Variants in ABCB11 observed in about 807,000 individuals in gnomAD.
ABCB11 encodes the protein ATP binding cassette subfamily B member 11.
Under a neutral mutation model 148.0 loss-of-function variants are expected in ABCB11, and 95 were observed. The ratio of observed to expected loss-of-function variants is 0.64; its 90% CI spans 0.54 to 0.76. The LOEUF is 0.76. ABCB11 is among the 30% of genes least tolerant of loss of function. The probability of loss-of-function intolerance (pLI) is 0.00; values close to 1 mark genes in which losing one functional copy is unlikely to be tolerated. For missense variants in ABCB11, 1,523 were observed against 1,617.8 expected, an observed-to-expected ratio of 0.94 and a Z score of 1.01; for synonymous variants, 591 against 555.4, an observed-to-expected ratio of 1.06 and a Z score of -0.90.
chr2:169,002,614 A>G (rs989386938), intron 5 of ABCB11, among the ~76,000 whole-genome samples: 6 of 152,210 alleles, frequency 3.9e-5, no homozygotes, highest in Non-Finnish European at 8.8e-5. Flanking sequence ...TTTTAAAAAA[A>G]TCCTGTCCTT....
At chr2:168,964,412 T>C in intron 17 of ABCB11, 104 bp from the exon 18 acceptor site, 3 of 941,942 alleles carry the variant, frequency 3.2e-6, no homozygotes, top group Non-Finnish European at 3.2e-6. Context: ...AATAGAAATG[T>C]TTGGTAGGTC....
intron 5 of ABCB11, among the ~76,000 whole-genome samples, chr2:169,004,393 T>C (rs1474667187): frequency 3.3e-5 from 5 of 152,200 alleles, no homozygotes; most frequent in Non-Finnish European, 5.9e-5. Flanking sequence ...TTGTCTTTGA[T>C]GGATTAATTT....
intron 3 of ABCB11, among the ~76,000 whole-genome samples, chr2:169,015,614 T>C (rs10208608): frequency 0.1 from 15,238 of 152,086 alleles, 1,327 homozygotes; most frequent in African/African-American, 0.24. Flanking sequence ...GACCTTCCTT[T>C]GAAATCACCT....
chr2:169,014,978 T>G (rs1177306405), intron 3 of ABCB11, among the ~76,000 whole-genome samples: 2 of 152,162 alleles, frequency 1.3e-5, no homozygotes, highest in Admixed American at 6.5e-5. Flanking sequence ...GGAACTACTG[T>G]CTGACATGTT....
chr2:168,974,889 A>G (rs1377632421), intron 12 of ABCB11, among the ~76,000 whole-genome samples: 1 of 150,570 alleles, frequency 6.6e-6, no homozygotes, highest in Non-Finnish European at 1.5e-5. Flanking sequence ...TGTAATAGAT[A>G]ATAAAAATAT....
chr2:168,962,600 A>T (rs1159887368), intron 18 of ABCB11, among the ~76,000 whole-genome samples: 3 of 151,644 alleles, frequency 2.0e-5, no homozygotes, highest in African/African-American at 7.3e-5. Context: ...TTTATTGTCA[A>T]ATATCTACCC....
intron 23 of ABCB11, 144 bp downstream of exon 23, chr2:168,935,040 G>A (rs1691751793): frequency 1.6e-6 from 2 of 1,242,160 alleles, no homozygotes; most frequent in East Asian, 4.7e-5. Flanking sequence ...ATGACCCACA[G>A]AATCTTGAGA....
rs1465049756 is a variant in ABCB11, at chr2:168,930,876, G to C, written c.3214-14C>G. 1.3e-5 allele frequency: 20 copies of C among 1,574,760 alleles called. No homozygotes were observed. Among genetic ancestry groups the C allele is most frequent in the Non-Finnish European group, 1.7e-5 (20 of 1,160,238 alleles). ...CTGGAAGTTGTCCTGTGGATGGGAG[G>C]ATCAAAATTAGAGATGCTCTTACTG... On this transcript the variant is annotated splice_polypyrimidine_tract_variant and intron_variant, in intron 24 of 27. Transcript: ENST00000650372.
chr2:168,919,869 T>A (rs1043404447), downstream of ABCB11, among the ~76,000 whole-genome samples: 3 of 150,460 alleles, frequency 2.0e-5, no homozygotes, highest in African/African-American at 7.4e-5. Context: ...TGTTTTTTGG[T>A]TTTTTGGTTT....
chr2:168,950,165 ACAC>A lies in ABCB11; in HGVS notation c.2344-5207_2344-5205del, dbSNP rs1157411459. Among the ~76,000 whole-genome samples, 15 of 151,038 alleles carry A rather than the reference ACAC, an allele frequency of 9.9e-5. No homozygotes were observed. The East Asian group carries it at 2.4e-3, about 24-fold the overall frequency. On this transcript the variant is annotated intron_variant, in intron 19 of 27. Coordinates refer to ENST00000650372, the MANE Select transcript of ABCB11 (RefSeq NM_003742.4). ...TACACACACACACACACACACACAC[ACAC>A]AAAATAGGATATATATCCTATAAAC... is the stretch of plus-strand genomic sequence containing the variant.
intron 23 of ABCB11, 109 bp from the exon 24 acceptor site, chr2:168,932,642 A>T: frequency 2.2e-6 from 3 of 1,344,806 alleles, no homozygotes; most frequent in Non-Finnish European, 3.0e-6. Flanking sequence ...AAAGGACCAA[A>T]TATCCTTGAG....
chr2:168,956,375 G>A (rs1333740917), intron 19 of ABCB11, among the ~76,000 whole-genome samples: 1 of 151,674 alleles, frequency 6.6e-6, no homozygotes, highest in East Asian at 2.0e-4. Flanking sequence ...CTTTGGTGGT[G>A]TCATATTTCC....
downstream of ABCB11, among the ~76,000 whole-genome samples, chr2:168,920,306 A>T (rs569510638): frequency 3.6e-4 from 54 of 152,070 alleles, no homozygotes; most frequent in African/African-American, 1.3e-3. Context: ...TATTGGGTGA[A>T]CTCTTTCAGC....
intron 1 of ABCB11, among the ~76,000 whole-genome samples, chr2:169,019,201 A>G (rs957469433): frequency 1.4e-4 from 21 of 152,122 alleles, no homozygotes; most frequent in East Asian, 7.7e-4. Context: ...ATACATATAT[A>G]CACACATGTA....
intron 7 of ABCB11, among the ~76,000 whole-genome samples, chr2:168,994,842 G>A (rs1694663670): frequency 6.6e-6 from 1 of 152,010 alleles, no homozygotes; most frequent in Admixed American, 6.6e-5. Flanking sequence ...TTCCAGCAGG[G>A]TTAGATAACT....
chr2:168,934,627 T>G (rs1691734754), intron 23 of ABCB11, among the ~76,000 whole-genome samples: 1 of 152,108 alleles, frequency 6.6e-6, no homozygotes, highest in South Asian at 2.1e-4. Context: ...AACAAAACAG[T>G]TCTCTATGAA....
At chr2:169,020,857 A>T (rs1450831370) in intron 1 of ABCB11, among the ~76,000 whole-genome samples, 1 of 152,134 alleles carries the variant, frequency 6.6e-6, no homozygotes, top group Non-Finnish European at 1.5e-5. Flanking sequence ...AAAACCATTG[A>T]ATACTTTACA....
chr2:168,982,956 A>G (rs1265969530), intron 10 of ABCB11, among the ~76,000 whole-genome samples: 1 of 152,192 alleles, frequency 6.6e-6, no homozygotes, highest in Non-Finnish European at 1.5e-5. Flanking sequence ...ATAGTATGCC[A>G]TGTCTGCACA....
At chr2:168,916,960 T>G (rs1690952513), downstream of ABCB11, among the ~76,000 whole-genome samples, 1 of 152,216 alleles carries the variant, frequency 6.6e-6, no homozygotes, top group Non-Finnish European at 1.5e-5. Flanking sequence ...GATAAGAAAC[T>G]GATATTTAAT....
Sources: allele counts gnomAD v4.1 joint callset (sites outside exome capture counted in the v4.1 genomes callset), GRCh38; gene constraint gnomAD v4.1.1; transcripts MANE v1.5; gene names NCBI Gene and HGNC (gene_info 2026-07-23, HGNC 2026-07-21).